The following CRISP1 variants were observed in gnomAD, a reference collection of about 807,000 sequenced individuals.
CRISP1 encodes cysteine-rich secretory protein 1.
CRISP1 carries 44 observed loss-of-function variants against 33.1 expected under a neutral mutation model. That is an observed-to-expected ratio of 1.33 (90% CI 1.05 to 1.71). CRISP1 has a LOEUF of 1.71. Among genes scored for constraint, CRISP1 ranks in the 40% most tolerant of loss-of-function variants. CRISP1 has a pLI of 0.00. For synonymous variants in CRISP1, 103 were observed against 98.7 expected (o/e 1.04, Z -0.26); for missense variants, 390 against 301.2 (o/e 1.29, Z -2.18).
intron 1 of CRISP1, among the ~76,000 whole-genome samples, chr6:49,872,551 T>C (rs1303214961): frequency 6.6e-6 from 1 of 152,160 alleles, no homozygotes; most frequent in Non-Finnish European, 1.5e-5. Context: ...ATTTGAGTCT[T>C]TAATCCATCC....
upstream of CRISP1, among the ~76,000 whole-genome samples, chr6:49,868,293 T>C (rs1197695829): frequency 1.3e-5 from 2 of 152,198 alleles, no homozygotes; most frequent in Admixed American, 1.3e-4. Flanking sequence ...TCTCTTTCTG[T>C]TTAAGCTTTT....
chr6:49,838,470 C>T lies in CRISP1; in HGVS notation c.589G>A (p.Ala197Thr), dbSNP rs201500461. Residue 197 changes from alanine (A) to threonine (T), a missense_variant, in exon 7 of 8, where the codon GCC (alanine) becomes ACC (threonine). By Grantham distance (58) the Ala-to-Thr change is moderately conservative. Coordinates refer to ENST00000335847, the MANE Select transcript of CRISP1 (RefSeq NM_001131.3). ...TTGTCTTCACAGTTACTTGGGCAGG[C>T]TTCACATGGGACGCCTGTCTTATAA... The part of the protein sequence containing the change: ...EPYKTGVPCE[A>T]CPSNCEDKLC... The T allele has an allele frequency of 8.3e-5, 134 of 1,613,358 alleles. No homozygotes were observed. The highest frequency in any genetic ancestry group is 1.1e-4 in the Non-Finnish European group (125 of 1,179,714).
At chr6:49,841,017 T>A (rs1341329935) in intron 5 of CRISP1, 22 bp from the exon 6 acceptor site, 1 of 1,556,724 alleles carries the variant, frequency 6.4e-7, no homozygotes, top group East Asian at 2.3e-5. Context: ...AAGAGTTGTT[T>A]TATTACAGAT....
At chr6:49,848,174 T>C (rs1420068876) in intron 4 of CRISP1, 35 bp downstream of exon 4, 2 of 1,183,618 alleles carry the variant, frequency 1.7e-6, no homozygotes, top group Non-Finnish European at 1.2e-6. Flanking sequence ...TTTTTTTTTT[T>C]AGTCCAAAGG....
intron 7 of CRISP1, among the ~76,000 whole-genome samples, chr6:49,837,363 C>T (rs1770833356): frequency 6.6e-6 from 1 of 152,068 alleles, no homozygotes; most frequent in African/African-American, 2.4e-5. Context: ...CCACCACAGA[C>T]ATTGCTTTTC....
At chr6:49,852,272 A>G (rs1399551095) in intron 2 of CRISP1, 143 bp from the exon 3 acceptor site, 6 of 716,640 alleles carry the variant, frequency 8.4e-6, no homozygotes, top group Non-Finnish European at 1.3e-5. Flanking sequence ...ATGTCTCATT[A>G]TATTGGATTC....
At chr6:49,846,476 C>T (rs1252016999) in intron 5 of CRISP1, 44 bp downstream of exon 5, 3 of 1,576,780 alleles carry the variant, frequency 1.9e-6, no homozygotes, top group South Asian at 1.2e-5. Flanking sequence ...CACACACATG[C>T]TTATCTCTTA....
At chr6:49,861,791 G>A (rs980278666) in intron 1 of CRISP1, among the ~76,000 whole-genome samples, 3 of 151,904 alleles carry the variant, frequency 2.0e-5, no homozygotes, top group African/African-American at 7.3e-5. Flanking sequence ...AGGTTGAGGT[G>A]GGAGAATCAC....
chr6:49,855,330 G>A (rs1771465531), intron 2 of CRISP1, among the ~76,000 whole-genome samples: 1 of 152,044 alleles, frequency 6.6e-6, no homozygotes, highest in Non-Finnish European at 1.5e-5. Context: ...TTTACTGTTA[G>A]AAGTCTTCAA....
chr6:49,844,727 T>C (rs1205302186), intron 5 of CRISP1, among the ~76,000 whole-genome samples: 1 of 152,168 alleles, frequency 6.6e-6, no homozygotes, highest in African/African-American at 2.4e-5. Flanking sequence ...GAAATTTCTT[T>C]TGCCTGGTTT....
chr6:49,839,313 T>C (rs1770909618), intron 6 of CRISP1, among the ~76,000 whole-genome samples: 1 of 141,274 alleles, frequency 7.1e-6, no homozygotes, highest in African/African-American at 2.6e-5. Context: ...TAGTTAGGCC[T>C]GGTGGCGTAT....
intron 1 of CRISP1, among the ~76,000 whole-genome samples, chr6:49,862,352 C>T (rs1248122424): frequency 6.6e-6 from 1 of 151,418 alleles, no homozygotes; most frequent in East Asian, 1.9e-4. Flanking sequence ...ATTATGGGCT[C>T]TAATTAATTC....
chr6:49,853,867 A>G (rs1582273077), intron 2 of CRISP1, among the ~76,000 whole-genome samples: 1 of 152,188 alleles, frequency 6.6e-6, no homozygotes, highest in East Asian at 1.9e-4. Context: ...CTGTTCTATC[A>G]GCTGAGCATT....
At chr6:49,841,430 A>C (rs2127469949) in intron 5 of CRISP1, among the ~76,000 whole-genome samples, 1 of 152,326 alleles carries the variant, frequency 6.6e-6, no homozygotes, top group Non-Finnish European at 1.5e-5. Context: ...TGATGTTCAA[A>C]GAGGACTTGA....
rs1198826049 is a variant in CRISP1 at position 49,835,259 on chromosome 6, C to A, written c.*57G>T. ...CTGAACTATAGCAAAAGACATGAAT[C>A]CAACAGACATCTCCTCCTCATCGTC... On this transcript the variant is annotated 3_prime_UTR_variant, in exon 8 of 8. Transcript: ENST00000335847. 6 of 1,572,634 alleles carry A rather than the reference C, an allele frequency of 3.8e-6. No homozygotes were observed. Among genetic ancestry groups the A allele is most frequent in the Non-Finnish European group, 5.2e-6 (6 of 1,156,006 alleles).
intron 2 of CRISP1, among the ~76,000 whole-genome samples, chr6:49,852,799 C>T (rs1368865532): frequency 6.6e-6 from 1 of 151,626 alleles, no homozygotes; most frequent in African/African-American, 2.4e-5. Context: ...AAGAAAAATA[C>T]ATGACCAAAG....
intron 2 of CRISP1, 144 bp from the exon 3 acceptor site, chr6:49,852,273 T>TAA: frequency 5.6e-6 from 4 of 714,932 alleles, no homozygotes; most frequent in Non-Finnish European, 8.8e-6. Flanking sequence ...TGTCTCATTA[T>TAA]ATTGGATTCC....
rs1266646713 is a variant in CRISP1, at chr6:49,857,202, G to A, written c.66+133C>T. 8 of 737,844 alleles carry A rather than the reference G, an allele frequency of 1.1e-5. No homozygotes were observed. The East Asian group carries it at 2.0e-4, about 18-fold the overall frequency. The allele number at this position is 737,844 out of a possible 1,614,324, so 45.7% of individuals were successfully genotyped here. On this transcript the variant is annotated intron_variant, in intron 2 of 7. Transcript: ENST00000335847. The stretch of plus-strand genomic sequence containing the variant: ...TTAAGATGAGTACTTGCCTAACAGG[G>A]CTATTGTGAAAACAAAGTGAGTAAT...
intron 2 of CRISP1, among the ~76,000 whole-genome samples, 188 bp from the exon 3 acceptor site, chr6:49,852,317 C>T (rs1037306493): frequency 4.4e-4 from 67 of 152,266 alleles, no homozygotes; most frequent in African/African-American, 1.5e-3. Context: ...GATTTCTCAA[C>T]GTCAGGCTGA....
Sources: gnomAD v4.1 joint callset for allele counts (sites outside exome capture counted in the v4.1 genomes callset) on GRCh38, gnomAD v4.1.1 for gene constraint, MANE v1.5 for transcripts, NCBI Gene and HGNC (gene_info 2026-07-23, HGNC 2026-07-21) for gene names.